The following RIPOR3 variants were observed in gnomAD, a reference collection of about 807,000 sequenced individuals.
RIPOR3 encodes family with sequence similarity 65 member C.
In RIPOR3, 95 loss-of-function variants were observed where a neutral mutation model predicts 114.3. That is an observed-to-expected ratio of 0.83 (90% CI 0.70 to 0.99). The LOEUF is 0.99. RIPOR3 is among the 50% of genes least tolerant of loss of function. The pLI is 0.00. For synonymous variants in RIPOR3, 575 were observed against 543.8 expected, an observed-to-expected ratio of 1.06 and a Z score of -0.80; for missense variants, 1,252 against 1,266.9, an observed-to-expected ratio of 0.99 and a Z score of 0.18.
At chr20:50,654,945 A>G (rs182687468) in intron 1 of RIPOR3, among the ~76,000 whole-genome samples, 1 of 152,132 alleles carries the variant, frequency 6.6e-6, no homozygotes, top group Non-Finnish European at 1.5e-5. Flanking sequence ...GGGTTTCACC[A>G]TGTTGCCATG....
At chr20:50,589,540 C>T (rs2083043191) in intron 20 of RIPOR3, 146 bp downstream of exon 20, 1 of 729,888 alleles carries the variant, frequency 1.4e-6, no homozygotes, top group Non-Finnish European at 2.2e-6. Context: ...AGGTGATCTG[C>T]CTGCCTTGGC....
chr20:50,620,260 C>A, intron 2 of RIPOR3, 128 bp from the exon 3 acceptor site: 1 of 1,059,408 alleles, frequency 9.4e-7, no homozygotes, highest in Non-Finnish European at 1.4e-6. Flanking sequence ...AGTCCCACCC[C>A]CATCACCACC....
At chr20:50,623,063 A>T (rs1474305089) in intron 2 of RIPOR3, among the ~76,000 whole-genome samples, 4 of 152,046 alleles carry the variant, frequency 2.6e-5, no homozygotes, top group African/African-American at 9.7e-5. Flanking sequence ...CAGGAGTTCA[A>T]GACCAGCCTG....
rs374721627 is a variant in RIPOR3 at position 50,608,372 on chromosome 20, G to A, written c.956+17C>T. Reference sequence around the variant, plus strand: ...GCCAGCCAGGCCTCCGCTCTCCCCAGGCTGGACGGGACTCACTTCCACTGC... The same window carrying A: ...GCCAGCCAGGCCTCCGCTCTCCCCAAGCTGGACGGGACTCACTTCCACTGC... On this transcript the variant is annotated intron_variant, in intron 11 of 21. Coordinates refer to ENST00000327979, the MANE Select transcript of RIPOR3 (RefSeq NM_001290268.2). 1.7e-5 allele frequency: 27 copies of A among 1,613,548 alleles called. 1 individual carries two copies. In the African/African-American group the frequency reaches 3.3e-4, roughly 20 times the overall value.
At chr20:50,653,700 C>T (rs965189494) in intron 1 of RIPOR3, among the ~76,000 whole-genome samples, 1 of 151,876 alleles carries the variant, frequency 6.6e-6, no homozygotes, top group African/African-American at 2.4e-5. Context: ...GAGCAATTCT[C>T]CCACCTCAGC....
At chr20:50,642,943 G>A (rs1313202226) in intron 1 of RIPOR3, among the ~76,000 whole-genome samples, 3 of 152,018 alleles carry the variant, frequency 2.0e-5, no homozygotes, top group Non-Finnish European at 4.4e-5. Context: ...AGCTACTCAG[G>A]AGGCTGAGGC....
chr20:50,595,482 G>A lies in RIPOR3; in HGVS notation c.1937C>T (p.Ser646Leu). The A allele has an allele frequency of 6.2e-7, 1 of 1,614,072 alleles. No homozygotes were observed. The highest frequency in any genetic ancestry group is 8.5e-7 in the Non-Finnish European group (1 of 1,180,006). The part of the protein sequence containing the change: ...LLQKLASPNL[S>L]RLVQECLLEE... The stretch of plus-strand genomic sequence containing the variant: ...CAGGAGGCATTCCTGGACCAGCCTT[G>A]ATAAATTAGGGGAGGCCAGTTTCTG... The change falls in exon 16 of 22, where the codon TCA becomes TTA. Residue 646 changes from serine (S) to leucine (L), a missense_variant. Physicochemically the swap from Ser to Leu is moderately radical, Grantham distance 145. Coordinates refer to ENST00000327979, the MANE Select transcript of RIPOR3 (RefSeq NM_001290268.2).
intron 1 of RIPOR3, among the ~76,000 whole-genome samples, chr20:50,673,755 C>T (rs1450401995): frequency 2.6e-5 from 4 of 152,246 alleles, no homozygotes; most frequent in East Asian, 1.9e-4. Context: ...CTCTCCTCAG[C>T]GTCAAAGAAA....
intron 1 of RIPOR3, among the ~76,000 whole-genome samples, chr20:50,677,366 A>G (rs1303302045): frequency 1.4e-5 from 1 of 73,416 alleles, no homozygotes; most frequent in Admixed American, 1.8e-4. Context: ...TTCTTGTTTT[A>G]CTTTTTTTTT....
In RIPOR3 at chr20:50,597,413, T is replaced by G. The variant is rs975613138; in HGVS notation, c.1790+167A>C. ...CTCTGAGGACCGGCTCTGAGGCAAG[T>G]GGGGGATGTGCGGGGATGGCATGGG... On this transcript the variant is annotated intron_variant, in intron 14 of 21. Coordinates refer to ENST00000327979, the MANE Select transcript of RIPOR3 (RefSeq NM_001290268.2). The G allele has an allele frequency of 1.2e-5, 12 of 1,001,422 alleles. No homozygotes were observed. In the African/African-American group the frequency reaches 1.8e-4, roughly 15 times the overall value. 62.0% of individuals were successfully genotyped at this position (1,001,422 alleles called of 1,614,324 possible). A position where few individuals can be genotyped will look rare whatever the true frequency, so the allele number is the denominator to read the frequency against.
Position 50,679,121 on chromosome 20 carries a change from A to ATATATATAT in RIPOR3, c.3+12004_3+12005insATATATATA, listed in dbSNP as rs1600761983. 6.5e-5 allele frequency among the ~76,000 whole-genome samples: 5 copies of ATATATATAT among 77,216 alleles called. No homozygotes were observed. The Admixed American group carries it at 7.8e-4, about 12-fold the overall frequency. 50.7% of individuals were successfully genotyped at this position (77,216 alleles called of 152,430 possible). ...TCCTGTCTCAAAAAAAAAAAAAAAAAAAAAAAAAAAAAAAATATATATATA... is the reference window on the plus strand; with the variant it reads ...TCCTGTCTCAAAAAAAAAAAAAAAAATATATATATAAAAAAAAAAAAAAATATATATATA... On this transcript the variant is annotated intron_variant, in intron 1 of 21. Coordinates refer to ENST00000327979, the MANE Select transcript of RIPOR3 (RefSeq NM_001290268.2).
At chr20:50,656,015 TC>T (rs2123430181) in intron 1 of RIPOR3, among the ~76,000 whole-genome samples, 1 of 152,206 alleles carries the variant, frequency 6.6e-6, no homozygotes, top group South Asian at 2.1e-4. Flanking sequence ...TTTCTTTTTT[TC>T]TTTTTTTTTG....
At chr20:50,619,957 C>T in intron 3 of RIPOR3, 29 bp downstream of exon 3, 1 of 1,600,362 alleles carries the variant, frequency 6.2e-7, no homozygotes, top group South Asian at 1.1e-5. Flanking sequence ...GAATGCACTT[C>T]TTAAAGGCAG....
At position 50,602,859 on chromosome 20, in the gene RIPOR3, C is replaced by A. The variant is rs568434137; in HGVS notation, c.1087-215G>T. ...CCCGCCTCCAACTCACTCCCCCCAA[C>A]CTCAACAGCCTCCTGGCTATTGCTC... is the stretch of plus-strand genomic sequence containing the variant. On this transcript the variant is annotated intron_variant, in intron 12 of 21. Transcript: ENST00000327979. The surrounding 1 kb of genome is among the most constrained non-coding windows in gnomAD (Gnocchi z 4.3). Among the ~76,000 whole-genome samples, 5 of 152,252 alleles carry A rather than the reference C, an allele frequency of 3.3e-5. No homozygotes were observed. Among genetic ancestry groups the A allele is most frequent in the Non-Finnish European group, 5.9e-5 (4 of 68,038 alleles).
intron 4 of RIPOR3, among the ~76,000 whole-genome samples, chr20:50,611,790 G>C (rs966675325): frequency 6.6e-6 from 1 of 152,140 alleles, no homozygotes; most frequent in African/African-American, 2.4e-5. Flanking sequence ...AATATTTCAG[G>C]CTTGGCAGGC....
intron 6 of RIPOR3, 115 bp downstream of exon 6, chr20:50,610,735 TACC>T: frequency 1.5e-6 from 2 of 1,367,954 alleles, no homozygotes; most frequent in Non-Finnish European, 2.1e-6. Context: ...AGCTGCCCCA[TACC>T]CAGAGGCCCT....
chr20:50,602,017 C>T lies in RIPOR3; in HGVS notation c.1659+55G>A. ...GCGTGGCCCCAGAGCCCCCGACTCC[C>T]AGTCATCATGCCATCAGCAAAGCAG... On this transcript the variant is annotated intron_variant, in intron 13 of 21. Transcript: ENST00000327979. The surrounding 1 kb of genome is among the most constrained non-coding windows in gnomAD (Gnocchi z 4.3). 1 of 1,425,778 alleles carries T rather than the reference C, an allele frequency of 7.0e-7. No homozygotes were observed. The highest frequency in any genetic ancestry group is 9.2e-7 in the Non-Finnish European group (1 of 1,087,954). The allele number at this position is 1,425,778 out of a possible 1,614,324, so 88.3% of individuals were successfully genotyped here.
In RIPOR3 at chr20:50,691,250, G is replaced by T. The variant is rs2087203866; in HGVS notation, c.-122C>A. The T allele has an allele frequency of 8.0e-7, 1 of 1,244,050 alleles. No individual in the cohort carries two copies. 77.1% of individuals were successfully genotyped at this position (1,244,050 alleles called of 1,614,324 possible). ...CCGGGACTCCCGGACTCGAGCTAGG[G>T]CTCTGCAAATTCCATCCACACTGGC... On this transcript the variant is annotated 5_prime_UTR_variant, in exon 1 of 22. Coordinates refer to ENST00000327979, the MANE Select transcript of RIPOR3 (RefSeq NM_001290268.2).
At chr20:50,623,045 A>G (rs536744854) in intron 2 of RIPOR3, among the ~76,000 whole-genome samples, 1 of 152,096 alleles carries the variant, frequency 6.6e-6, no homozygotes, top group Admixed American at 6.6e-5. Flanking sequence ...GGGTGGATCA[A>G]CTGAGGTCAG....
Sources: gnomAD v4.1 joint callset for allele counts (sites outside exome capture counted in the v4.1 genomes callset) on GRCh38, gnomAD v4.1.1 for gene constraint, Gnocchi (gnomAD v3.1) non-coding constraint, MANE v1.5 for transcripts, NCBI Gene and HGNC (gene_info 2026-07-23, HGNC 2026-07-21) for gene names.